PTPRG: variants seen among roughly 807,000 people sequenced by gnomAD.
The protein encoded by PTPRG is protein tyrosine phosphatase receptor type G.
In PTPRG, 102 loss-of-function variants were observed where a neutral mutation model predicts 165.3. The ratio of observed to expected loss-of-function variants is 0.62; its 90% CI spans 0.53 to 0.73. The LOEUF is 0.73. Among genes scored for constraint, PTPRG ranks in the 30% least tolerant of loss-of-function variants. PTPRG has a pLI of 0.00. For synonymous variants in PTPRG, 675 were observed against 669.5 expected (o/e 1.01, Z -0.13); for missense variants, 1,866 against 1,861.4 (o/e 1.00, Z -0.05).
intron 2 of PTPRG, among the ~76,000 whole-genome samples, chr3:61,975,219 G>T (rs2040474581): frequency 6.6e-6 from 1 of 152,172 alleles, no homozygotes; most frequent in Admixed American, 6.5e-5. Context: ...TTTACTAGGG[G>T]AATGATCTTG....
chr3:62,205,633 G>A (rs1412048880), intron 12 of PTPRG, among the ~76,000 whole-genome samples: 1 of 152,164 alleles, frequency 6.6e-6, no homozygotes, highest in Non-Finnish European at 1.5e-5. Flanking sequence ...ATTCTGGGCT[G>A]CAGGAACAGC....
At position 61,703,478 on chromosome 3, in the gene PTPRG, C is replaced by T. The variant is rs2106715279; in HGVS notation, c.86-45400C>T. Among the ~76,000 whole-genome samples the T allele has an allele frequency of 5.3e-5, 8 of 152,186 alleles. 1 individual carries two copies. The Middle Eastern group carries it at 0.014, about 259-fold the overall frequency. ...TATGGGCATTAATGGTGGAGTGATC[C>T]AGATTTGGAAACCAAAAATGGTATT... is the stretch of plus-strand genomic sequence containing the variant. On this transcript the variant is annotated intron_variant, in intron 1 of 29. Coordinates refer to ENST00000474889, the MANE Select transcript of PTPRG (RefSeq NM_002841.4).
At chr3:62,120,883 T>C (rs1243299877) in intron 5 of PTPRG, among the ~76,000 whole-genome samples, 1 of 152,148 alleles carries the variant, frequency 6.6e-6, no homozygotes, top group Non-Finnish European at 1.5e-5. Context: ...TTTGGAACTT[T>C]GTGTGTTCCT....
chr3:62,056,029 A>C (rs1002478211), intron 4 of PTPRG, among the ~76,000 whole-genome samples: 1 of 152,242 alleles, frequency 6.6e-6, no homozygotes, highest in Non-Finnish European at 1.5e-5. Context: ...AGAGAATTCA[A>C]ATCCAAGTAC....
Position 62,262,914 on chromosome 3 carries a change from C to G in PTPRG, c.2656+20C>G. The G allele has an allele frequency of 5.2e-6, 8 of 1,543,854 alleles. No homozygotes were observed. The highest frequency in any genetic ancestry group is 7.2e-6 in the Non-Finnish European group (8 of 1,117,454). Reference sequence around the variant, plus strand: ...TAGCATGTGAGTAATAAGCTTTAAACTACCTTCAACTGCGAGGAAATTAAA... The same window carrying G: ...TAGCATGTGAGTAATAAGCTTTAAAGTACCTTCAACTGCGAGGAAATTAAA... On this transcript the variant is annotated intron_variant, in intron 17 of 29. Transcript: ENST00000474889.
Position 62,282,792 on chromosome 3 carries a change from A to C in PTPRG, c.3978A>C (p.Ile1326=). Residue 1326 remains isoleucine, a synonymous_variant, in exon 28 of 30, where the codon ATA becomes ATC. Coordinates refer to ENST00000474889, the MANE Select transcript of PTPRG (RefSeq NM_002841.4). ...CPKWPNPDAP[I]SSTFELINVI... is the part of the protein sequence containing the mutation. ...AATGGCCTAACCCAGATGCCCCCATAAGTAGTACCTTTGAACTTATCAACG... is the reference window on the plus strand; with the variant it reads ...AATGGCCTAACCCAGATGCCCCCATCAGTAGTACCTTTGAACTTATCAACG... The C allele has an allele frequency of 6.2e-7, 1 of 1,612,652 alleles. No individual in the cohort carries two copies. Among genetic ancestry groups the C allele is most frequent in the Non-Finnish European group, 8.5e-7 (1 of 1,179,128 alleles).
At chr3:61,672,011 T>C (rs376671935) in intron 1 of PTPRG, among the ~76,000 whole-genome samples, 4,337 of 25,296 alleles carry the variant, frequency 0.17, 1 homozygote, top group East Asian at 0.21. Flanking sequence ...GACGGGGCGG[T>C]TGCCAGGCAG....
chr3:62,239,457 G>C (rs1156371224), intron 14 of PTPRG, among the ~76,000 whole-genome samples: 1 of 149,744 alleles, frequency 6.7e-6, no homozygotes, highest in Non-Finnish European at 1.5e-5. Flanking sequence ...TGCCTCCCAG[G>C]TTCCCAGGTT....
chr3:61,750,126 T>A (rs2033371968), intron 2 of PTPRG: 1 of 152,204 alleles, frequency 6.6e-6, no homozygotes, highest in Non-Finnish European at 1.5e-5. Flanking sequence ...TACCTTGTGA[T>A]TAGAATTATC....
At chr3:61,779,354 C>G (rs1474806235) in intron 2 of PTPRG, among the ~76,000 whole-genome samples, 1 of 152,156 alleles carries the variant, frequency 6.6e-6, no homozygotes, top group Admixed American at 6.6e-5. Context: ...AGTAAGCCCC[C>G]CTATGAGTGG....
intron 5 of PTPRG, among the ~76,000 whole-genome samples, chr3:62,087,309 T>A (rs1701785518): frequency 6.6e-6 from 1 of 152,216 alleles, no homozygotes; most frequent in African/African-American, 2.4e-5. Flanking sequence ...TTGGTCTTCC[T>A]GGAATATGAC....
At chr3:61,725,710 C>CTT (rs10581346) in intron 1 of PTPRG, among the ~76,000 whole-genome samples, 15 of 137,282 alleles carry the variant, frequency 1.1e-4, no homozygotes, top group Admixed American at 2.9e-4. Context: ...CTACCCCCAC[C>CTT]TTTTTTTTTT....
intron 14 of PTPRG, among the ~76,000 whole-genome samples, chr3:62,236,890 G>C (rs935698323): frequency 5.9e-5 from 9 of 152,164 alleles, no homozygotes; most frequent in Admixed American, 5.9e-4. Context: ...CTCAGAGTGG[G>C]TGTACGTGTT....
intron 7 of PTPRG, among the ~76,000 whole-genome samples, chr3:62,157,555 A>C (rs556654805): frequency 6.6e-6 from 1 of 152,310 alleles, no homozygotes; most frequent in East Asian, 1.9e-4. Context: ...AGCTCTTTAT[A>C]AATGTTGACC....
At chr3:62,016,355 A>G (rs892366271) in intron 4 of PTPRG, among the ~76,000 whole-genome samples, 6 of 152,130 alleles carry the variant, frequency 3.9e-5, no homozygotes, top group Admixed American at 2.6e-4. Context: ...TTTAGTAGAG[A>G]CGGAGTTTCA....
intron 4 of PTPRG, among the ~76,000 whole-genome samples, chr3:62,073,073 T>C (rs1701262084): frequency 7.0e-6 from 1 of 142,064 alleles, no homozygotes; most frequent in African/African-American, 2.8e-5. Flanking sequence ...AAATACATAA[T>C]GTTAGTAATG....
chr3:61,746,684 C>T (rs1034327018), intron 1 of PTPRG, among the ~76,000 whole-genome samples: 4 of 152,104 alleles, frequency 2.6e-5, no homozygotes, highest in African/African-American at 4.8e-5. Flanking sequence ...ACTGGGGCCA[C>T]GAGAATGGTT....
At chr3:61,821,737 G>A (rs2035964529) in intron 2 of PTPRG, among the ~76,000 whole-genome samples, 1 of 152,186 alleles carries the variant, frequency 6.6e-6, no homozygotes, top group Non-Finnish European at 1.5e-5. Context: ...ATGAATAGCA[G>A]TATGAGCGAT....
chr3:61,583,844 A>C (rs572872574), intron 1 of PTPRG, among the ~76,000 whole-genome samples: 1 of 152,100 alleles, frequency 6.6e-6, no homozygotes, highest in Non-Finnish European at 1.5e-5. Flanking sequence ...TGTCTCTGAG[A>C]TGTCCAAGGT....
Sources: allele counts gnomAD v4.1 joint callset (sites outside exome capture counted in the v4.1 genomes callset), GRCh38; gene constraint gnomAD v4.1.1; transcripts MANE v1.5; gene names NCBI Gene and HGNC (gene_info 2026-07-23, HGNC 2026-07-21).